CTCF: variants seen among roughly 807,000 people sequenced by gnomAD.
CTCF encodes transcriptional repressor CTCF.
Under a neutral mutation model 72.3 loss-of-function variants are expected in CTCF, and 7 were observed. That is an observed-to-expected ratio of 0.10 (90% CI 0.06 to 0.18). CTCF has a LOEUF of 0.18. CTCF is among the 10% of genes least tolerant of loss of function. The pLI is 1.00. For missense variants in CTCF, 516 were observed against 949.1 expected (o/e 0.54, Z 6.00); for synonymous variants, 374 against 315.8 (o/e 1.18, Z -1.95).
Position 67,628,583 on chromosome 16 carries a change from T to C in CTCF, c.1701+31T>C, listed in dbSNP as rs367895118. ...GGTCAGAACTTCACTTTGCCTGTTA[T>C]GATACTGAATATTGGATTTTTGGTC... On this transcript the variant is annotated intron_variant, in intron 9 of 11. Transcript: ENST00000264010. 50 of 1,601,932 alleles carry C rather than the reference T, an allele frequency of 3.1e-5. 1 individual carries two copies. Among genetic ancestry groups the C allele is most frequent in the African/African-American group, 2.5e-4 (19 of 74,618 alleles).
intron 10 of CTCF, among the ~76,000 whole-genome samples, chr16:67,630,455 T>G (rs1357110924): frequency 6.6e-6 from 1 of 152,166 alleles, no homozygotes; most frequent in Non-Finnish European, 1.5e-5. Flanking sequence ...GAGGTTGTGC[T>G]TAGAAGTGCC....
At chr16:67,592,707 AAAC>A (rs932279099) in intron 2 of CTCF, among the ~76,000 whole-genome samples, 8 of 151,784 alleles carry the variant, frequency 5.3e-5, no homozygotes, top group Admixed American at 2.0e-4. Context: ...TCCGTCTCAA[AAAC>A]AACAACATCA....
chr16:67,599,096 C>T (rs912446574), intron 2 of CTCF, among the ~76,000 whole-genome samples: 8 of 152,068 alleles, frequency 5.3e-5, no homozygotes, highest in African/African-American at 1.4e-4. Context: ...CTGAAGTGGC[C>T]GGGTGCGGTG....
chr16:67,613,064 C>G (rs1045689448), intron 4 of CTCF, among the ~76,000 whole-genome samples: 3 of 152,224 alleles, frequency 2.0e-5, no homozygotes, highest in Non-Finnish European at 4.4e-5. Context: ...ATCCTACTTA[C>G]TTTAGTGTTC....
intron 9 of CTCF, among the ~76,000 whole-genome samples, chr16:67,628,884 C>T (rs761486359): frequency 2.0e-4 from 30 of 152,166 alleles, no homozygotes; most frequent in Non-Finnish European, 4.1e-4. Context: ...CATGGTGAAA[C>T]ACCGTCTCTA....
chr16:67,607,575 G>A (rs1438005123), intron 2 of CTCF, among the ~76,000 whole-genome samples: 1 of 151,906 alleles, frequency 6.6e-6, no homozygotes, highest in Non-Finnish European at 1.5e-5. Flanking sequence ...CAAAGTGCTG[G>A]GATTACAGGC....
chr16:67,593,395 A>G (rs1005276379), intron 2 of CTCF, among the ~76,000 whole-genome samples: 1 of 151,874 alleles, frequency 6.6e-6, no homozygotes, highest in African/African-American at 2.4e-5. Flanking sequence ...GTTTATGTCC[A>G]TGTGTACCCA....
intron 7 of CTCF, among the ~76,000 whole-genome samples, chr16:67,624,609 A>C (rs968684489): frequency 6.6e-6 from 1 of 150,938 alleles, no homozygotes; most frequent in African/African-American, 2.4e-5. Context: ...TTTGTTTTTT[A>C]CTGGAGACTG....
At chr16:67,562,746 G>A (rs1277226621) in intron 1 of CTCF, 22 bp downstream of exon 1, 1 of 149,686 alleles carries the variant, frequency 6.7e-6, no homozygotes, top group Non-Finnish European at 1.5e-5. Context: ...CGGGGTGGAG[G>A]AGGTTTCGCG....
chr16:67,580,356 C>T lies in CTCF; in HGVS notation c.-10+9092C>T, dbSNP rs540938584. 1.5e-4 allele frequency among the ~76,000 whole-genome samples: 23 copies of T among 151,962 alleles called. No individual in the cohort carries two copies. The East Asian group carries it at 3.1e-3, about 21-fold the overall frequency. On this transcript the variant is annotated intron_variant, in intron 2 of 11. Coordinates refer to ENST00000264010, the MANE Select transcript of CTCF (RefSeq NM_006565.4). ...TCCTGAGTAGCTAGGAGTGTAGGTG[C>T]GTATCACCAGGCCCAGCTAATTTTT...
intron 2 of CTCF, among the ~76,000 whole-genome samples, chr16:67,609,436 A>AT (rs2052027099): frequency 6.6e-6 from 1 of 152,104 alleles, no homozygotes; most frequent in Non-Finnish European, 1.5e-5. Flanking sequence ...TAATTCTTTA[A>AT]TATCATCAGA....
intron 2 of CTCF, among the ~76,000 whole-genome samples, chr16:67,601,663 G>A (rs2051893847): frequency 6.6e-6 from 1 of 152,000 alleles, no homozygotes; most frequent in South Asian, 2.1e-4. Context: ...AAAAATAGAA[G>A]CTATTGCTTT....
intron 2 of CTCF, among the ~76,000 whole-genome samples, chr16:67,574,299 T>A (rs1355844625): frequency 6.6e-6 from 1 of 152,164 alleles, no homozygotes; most frequent in African/African-American, 2.4e-5. Flanking sequence ...TTCACAGACC[T>A]CAAGGAAACA....
At position 67,611,619 on chromosome 16, in the gene CTCF, A is replaced by T. The variant is rs1410691645; in HGVS notation, c.781+6A>T. The T allele has an allele frequency of 6.2e-7, 1 of 1,607,894 alleles. No individual in the cohort carries two copies. The highest frequency in any genetic ancestry group is 8.5e-7 in the Non-Finnish European group (1 of 1,177,892). On this transcript the variant is annotated splice_donor_region_variant and intron_variant, in intron 3 of 11. Transcript: ENST00000264010. Reference sequence around the variant, plus strand: ...AACAAAAATTAAAAAGAAAGGTAAAACGAGTTTATCCATAGTGGTTTCATA... The same window carrying T: ...AACAAAAATTAAAAAGAAAGGTAAATCGAGTTTATCCATAGTGGTTTCATA...
intron 2 of CTCF, among the ~76,000 whole-genome samples, chr16:67,609,084 CG>C (rs2052020495): frequency 6.6e-6 from 1 of 152,110 alleles, no homozygotes; most frequent in African/African-American, 2.4e-5. Context: ...TTGGCAGACC[CG>C]GGCACAGTGG....
rs2051987985 is a variant in CTCF at position 67,607,346 on chromosome 16, C to T, written c.-9-3478C>T. Among the ~76,000 whole-genome samples the T allele has an allele frequency of 2.0e-5, 3 of 151,294 alleles. No homozygotes were observed. In the South Asian group the frequency reaches 6.3e-4, roughly 32 times the overall value. On this transcript the variant is annotated intron_variant, in intron 2 of 11. Coordinates refer to ENST00000264010, the MANE Select transcript of CTCF (RefSeq NM_006565.4). ...TTTGAGACCGAGTCTCACTCTGTCG[C>T]CCAGGCTGGAATGCAGGGGCACTTT...
intron 2 of CTCF, among the ~76,000 whole-genome samples, chr16:67,571,632 TG>T (rs1157093213): frequency 6.6e-6 from 1 of 152,160 alleles, no homozygotes; most frequent in Non-Finnish European, 1.5e-5. Flanking sequence ...TAGAAACCCT[TG>T]GAATGTGTAT....
Position 67,611,135 on chromosome 16 carries a change from A to G in CTCF, c.303A>G (p.Val101=), listed in dbSNP as rs749510151. The G allele has an allele frequency of 2.3e-5, 37 of 1,614,088 alleles. No homozygotes were observed. The highest frequency in any genetic ancestry group is 2.7e-5 in the Non-Finnish European group (32 of 1,180,044). Reference sequence around the variant, plus strand: ...CCCAGATTATAACTTTACAGGTTGTAAATATGGAGGAACAGCCCATAAACA... The same window carrying G: ...CCCAGATTATAACTTTACAGGTTGTGAATATGGAGGAACAGCCCATAAACA... The part of the protein sequence containing the change: ...DDTQIITLQV[V]NMEEQPINIG... Residue 101 remains valine, a synonymous_variant, in exon 3 of 12, where the codon GTA becomes GTG. Transcript: ENST00000264010.
chr16:67,626,309 C>T (rs543162814), intron 7 of CTCF, among the ~76,000 whole-genome samples: 39 of 151,720 alleles, frequency 2.6e-4, no homozygotes, highest in South Asian at 4.2e-4. Context: ...AAAAATTAGC[C>T]GGGCATGGTG....
Sources: gnomAD v4.1 joint callset for allele counts (sites outside exome capture counted in the v4.1 genomes callset) on GRCh38, gnomAD v4.1.1 for gene constraint, MANE v1.5 for transcripts, NCBI Gene and HGNC (gene_info 2026-07-23, HGNC 2026-07-21) for gene names.